The following PLAAT3 variants were observed in gnomAD, a reference collection of about 807,000 sequenced individuals.
The protein encoded by PLAAT3 is Ca-independent phospholipase A1/2.
Under a neutral mutation model 16.7 loss-of-function variants are expected in PLAAT3, and 21 were observed. The ratio of observed to expected loss-of-function variants is 1.26; its 90% CI spans 0.89 to 1.81. The LOEUF is 1.81. Among genes scored for constraint, PLAAT3 ranks in the 40% most tolerant of loss-of-function variants. PLAAT3 has a pLI of 0.00. For missense variants in PLAAT3, 219 were observed against 213.7 expected (o/e 1.02, Z -0.16); for synonymous variants, 76 against 81.7 (o/e 0.93, Z 0.38).
At chr11:63,584,015 G>C (rs990525817) in intron 4 of PLAAT3, among the ~76,000 whole-genome samples, 2 of 152,160 alleles carry the variant, frequency 1.3e-5, no homozygotes, top group Non-Finnish European at 2.9e-5. Context: ...ATCCAATTGA[G>C]ACTGTTAGAG....
chr11:63,615,870 G>A (rs1433764235), upstream of PLAAT3, among the ~76,000 whole-genome samples: 1 of 151,326 alleles, frequency 6.6e-6, no homozygotes, highest in Non-Finnish European at 1.5e-5. Context: ...GTTTCAGCAT[G>A]TTGACCATGC....
At chr11:63,575,920 A>G (rs1445196158) in intron 4 of PLAAT3, among the ~76,000 whole-genome samples, 6 of 152,198 alleles carry the variant, frequency 3.9e-5, no homozygotes, top group African/African-American at 1.4e-4. Flanking sequence ...CTGACCCCCA[A>G]AAGAAGTCTG....
intron 3 of PLAAT3, among the ~76,000 whole-genome samples, chr11:63,595,535 AG>A (rs1025513125): frequency 4.2e-4 from 64 of 152,236 alleles, no homozygotes; most frequent in Middle Eastern, 3.4e-3. Flanking sequence ...TCTTCCATGA[AG>A]TTCTAGAACA....
chr11:63,583,777 A>G (rs777534925), intron 4 of PLAAT3, among the ~76,000 whole-genome samples: 6 of 152,128 alleles, frequency 3.9e-5, no homozygotes, highest in Admixed American at 2.0e-4. Flanking sequence ...GCTGTCTCTC[A>G]TTAGAAATAT....
At chr11:63,615,254 GTA>G (rs1241117214), upstream of PLAAT3, among the ~76,000 whole-genome samples, 521 of 74,130 alleles carry the variant, frequency 7.0e-3, 106 homozygotes, top group African/African-American at 0.022. Context: ...ATATGTGTGT[GTA>G]TATATATGTG....
chr11:63,589,953 A>C (rs1590688523), intron 4 of PLAAT3, 147 bp downstream of exon 4: 4 of 333,816 alleles, frequency 1.2e-5, no homozygotes, highest in Non-Finnish European at 1.9e-5. Flanking sequence ...CCTTGTCCCC[A>C]CCCTTGTCCC....
chr11:63,594,245 T>C (rs1938226394), intron 3 of PLAAT3, among the ~76,000 whole-genome samples: 1 of 152,162 alleles, frequency 6.6e-6, no homozygotes, highest in African/African-American at 2.4e-5. Flanking sequence ...CAAGAGGTTA[T>C]GCAAGTCTGA....
intron 4 of PLAAT3, among the ~76,000 whole-genome samples, chr11:63,587,829 A>C (rs920247436): frequency 2.6e-5 from 4 of 152,184 alleles, no homozygotes; most frequent in Non-Finnish European, 4.4e-5. Flanking sequence ...AGAGGATAAA[A>C]GCATTAATAT....
Position 63,576,179 on chromosome 11 carries a change from C to G in PLAAT3, c.388-1133G>C, listed in dbSNP as rs147231774. Among the ~76,000 whole-genome samples, 18 of 152,304 alleles carry G rather than the reference C, an allele frequency of 1.2e-4. No individual in the cohort carries two copies. The East Asian group carries it at 3.5e-3, about 29-fold the overall frequency. On this transcript the variant is annotated intron_variant, in intron 4 of 4. Transcript: ENST00000415826. ...AAAAGATACCAATACTGGGAATTCC[C>G]AAACAGCCCACCCAGATCATCCTGC...
rs1938168556 is a variant in PLAAT3 at position 63,592,131 on chromosome 11, C to T, written c.119-1763G>A. 2.0e-5 allele frequency among the ~76,000 whole-genome samples: 3 copies of T among 152,090 alleles called. No individual in the cohort carries two copies. In the South Asian group the frequency reaches 6.2e-4, roughly 32 times the overall value. Reference sequence around the variant, plus strand: ...CCAAATACACACTAAAATTGATGCACAAATACATATCAACACAGTAATTTA... The same window carrying T: ...CCAAATACACACTAAAATTGATGCATAAATACATATCAACACAGTAATTTA... On this transcript the variant is annotated intron_variant, in intron 3 of 4. Transcript: ENST00000415826.
rs536808053 is a variant in PLAAT3, at chr11:63,612,852, T to C, written c.15+1148A>G. On this transcript the variant is annotated intron_variant, in intron 2 of 4. Transcript: ENST00000415826. ...TACTGTCATGATTACATATACGAGG[T>C]TCAATAAAAGAAAATGCTCACTGTG... Among the ~76,000 whole-genome samples, 23 of 152,300 alleles carry C rather than the reference T, an allele frequency of 1.5e-4. No homozygotes were observed. In the South Asian group the frequency reaches 4.4e-3, roughly 29 times the overall value.
chr11:63,579,957 A>G (rs560968200), intron 4 of PLAAT3, among the ~76,000 whole-genome samples: 33 of 152,152 alleles, frequency 2.2e-4, no homozygotes, highest in African/African-American at 7.2e-4. Context: ...AGAATTCTAT[A>G]CCCAGACAAA....
At chr11:63,614,242 G>A (rs1003149878) in intron 1 of PLAAT3, 143 bp downstream of exon 1, 1 of 594,152 alleles carries the variant, frequency 1.7e-6, no homozygotes, top group Non-Finnish European at 3.0e-6. Flanking sequence ...CGCCCAGGAG[G>A]CTGCAGGTGC....
intron 4 of PLAAT3, among the ~76,000 whole-genome samples, chr11:63,587,167 A>G (rs1008807496): frequency 6.6e-6 from 1 of 152,238 alleles, no homozygotes; most frequent in Non-Finnish European, 1.5e-5. Context: ...CAATAGCCTA[A>G]TAATAGGAGT....
chr11:63,600,747 C>A (rs1286732397), intron 2 of PLAAT3, among the ~76,000 whole-genome samples: 1 of 151,798 alleles, frequency 6.6e-6, no homozygotes, highest in African/African-American at 2.4e-5. Flanking sequence ...GGACTACAGG[C>A]GTATGCCACC....
intron 2 of PLAAT3, among the ~76,000 whole-genome samples, chr11:63,602,639 A>T (rs1296194674): frequency 5.3e-5 from 8 of 151,784 alleles, no homozygotes; most frequent in Non-Finnish European, 1.2e-4. Context: ...GTATTTTGTG[A>T]CACATGAAAA....
chr11:63,613,490 G>C (rs1265823691), intron 2 of PLAAT3, among the ~76,000 whole-genome samples: 1 of 152,232 alleles, frequency 6.6e-6, no homozygotes, highest in African/African-American at 2.4e-5. Flanking sequence ...AACTTGATGA[G>C]AGTCTCACAA....
At chr11:63,588,977 C>CAAAAA (rs58090843) in intron 4 of PLAAT3, among the ~76,000 whole-genome samples, 327 of 45,894 alleles carry the variant, frequency 7.1e-3, no homozygotes, top group Middle Eastern at 0.036. Context: ...ATGAGCCAAG[C>CAAAAA]AAAAAAAAAA....
At chr11:63,613,072 G>C (rs904292140) in intron 2 of PLAAT3, among the ~76,000 whole-genome samples, 2 of 152,160 alleles carry the variant, frequency 1.3e-5, no homozygotes, top group African/African-American at 4.8e-5. Flanking sequence ...CTCAAAATGT[G>C]TGCTAGGCAT....
Sources: allele counts gnomAD v4.1 joint callset (sites outside exome capture counted in the v4.1 genomes callset), GRCh38; gene constraint gnomAD v4.1.1; transcripts MANE v1.5; gene names NCBI Gene and HGNC (gene_info 2026-07-23, HGNC 2026-07-21).